Variants in SMYD5 observed in about 807,000 individuals in gnomAD.
The protein encoded by SMYD5 is SMYD family member 5.
Under a neutral mutation model 57.4 loss-of-function variants are expected in SMYD5, and 35 were observed. The ratio of observed to expected loss-of-function variants is 0.61; its 90% CI spans 0.47 to 0.81. The LOEUF (loss-of-function observed/expected upper bound fraction) is 0.81. SMYD5 is among the 30% of genes least tolerant of loss of function. The probability of loss-of-function intolerance (pLI) is 0.00; values close to 1 mark genes in which losing one functional copy is unlikely to be tolerated. For synonymous variants in SMYD5, 198 were observed against 189.7 expected (o/e 1.04, Z -0.36); for missense variants, 471 against 527.9 (o/e 0.89, Z 1.06).
At chr2:73,217,328 C>T (rs570020501) in intron 1 of SMYD5, among the ~76,000 whole-genome samples, 1 of 152,294 alleles carries the variant, frequency 6.6e-6, no homozygotes, top group East Asian at 1.9e-4. Flanking sequence ...TATAAAGGAA[C>T]AACTCTGATT....
intron 5 of SMYD5, 22 bp downstream of exon 5, chr2:73,221,256 G>C (rs570191125): frequency 1.9e-6 from 3 of 1,606,946 alleles, no homozygotes; most frequent in East Asian, 2.2e-5. Context: ...CAACCCTCTC[G>C]GGGAAGCTGA....
intron 9 of SMYD5, 39 bp downstream of exon 9, chr2:73,223,571 G>C: frequency 7.4e-7 from 1 of 1,343,672 alleles, no homozygotes; most frequent in Non-Finnish European, 1.1e-6. Context: ...CAGCCATGGC[G>C]ACCCCCCCAG....
intron 4 of SMYD5, among the ~76,000 whole-genome samples, 157 bp from the exon 5 acceptor site, chr2:73,221,008 A>G (rs1307014869): frequency 2.0e-5 from 3 of 152,202 alleles, no homozygotes; most frequent in Non-Finnish European, 2.9e-5. Context: ...CATTAAGCCA[A>G]TAGGGATGCA....
intron 3 of SMYD5, among the ~76,000 whole-genome samples, chr2:73,220,403 G>T (rs1193625476): frequency 6.6e-6 from 1 of 152,188 alleles, no homozygotes; most frequent in Non-Finnish European, 1.5e-5. Flanking sequence ...GTGGGAGCTG[G>T]AAAATGGGCT....
Position 73,220,195 on chromosome 2 carries a change from G to C in SMYD5, c.345+5G>C. ...CAGAACTGTCCCCATTGCCAAGTGA[G>C]TATTCTTGGGGAGTGTACCTGGAAG... On this transcript the variant is annotated splice_donor_5th_base_variant and intron_variant, in intron 3 of 12. Coordinates refer to ENST00000389501, the MANE Select transcript of SMYD5 (RefSeq NM_006062.3). 1 of 1,613,970 alleles carries C rather than the reference G, an allele frequency of 6.2e-7. No homozygotes were observed. The highest frequency in any genetic ancestry group is 1.3e-5 in the African/African-American group (1 of 75,064).
intron 1 of SMYD5, among the ~76,000 whole-genome samples, chr2:73,216,213 G>C (rs1686290747): frequency 6.6e-6 from 1 of 152,198 alleles, no homozygotes; most frequent in Admixed American, 6.5e-5. Flanking sequence ...CCGGATAGCA[G>C]CATGGCTTAT....
chr2:73,225,349 C>T (rs1413612021), intron 11 of SMYD5: 2 of 547,044 alleles, frequency 3.7e-6, no homozygotes, highest in Non-Finnish European at 6.5e-6. Context: ...CATACCAAGA[C>T]CTCTGATCCC....
intron 1 of SMYD5, 111 bp from the exon 2 acceptor site, chr2:73,218,750 C>A: frequency 1.4e-6 from 1 of 722,430 alleles, no homozygotes; most frequent in Non-Finnish European, 2.4e-6. Context: ...GAGGCAGAGG[C>A]CTCTCCTAAG....
intron 1 of SMYD5, chr2:73,214,588 G>T (rs1201690906): frequency 6.7e-7 from 1 of 1,502,462 alleles, no homozygotes. Flanking sequence ...TTTCCTCCCA[G>T]CGGAATTCGG....
chr2:73,224,755 T>C, intron 10 of SMYD5, 111 bp from the exon 11 acceptor site: 1 of 810,516 alleles, frequency 1.2e-6, no homozygotes, highest in East Asian at 2.5e-5. Flanking sequence ...TTCCAAAACG[T>C]GCTCAGCCTT....
chr2:73,225,906 CAGA>C lies in SMYD5; in HGVS notation c.1221_1223del (p.Glu407del). 6.2e-7 allele frequency: 1 copy of C among 1,614,074 alleles called. No homozygotes were observed. Among genetic ancestry groups the C allele is most frequent in the South Asian group, 1.1e-5 (1 of 91,072 alleles). On this transcript the variant is annotated inframe_deletion, in exon 13 of 13. Transcript: ENST00000389501. ...GAGGAGGAGGAGGAGGAAGGAGAGC[CAGA>C]AGATGCAGAGCTGGGGGATGAGATG...
intron 11 of SMYD5, 68 bp from the exon 12 acceptor site, chr2:73,225,563 C>T (rs1686483953): frequency 7.1e-7 from 1 of 1,406,588 alleles, no homozygotes; most frequent in Non-Finnish European, 1.0e-6. Flanking sequence ...GATAGGGTAG[C>T]TGTTGGGGAG....
At chr2:73,217,483 A>C (rs1368399788) in intron 1 of SMYD5, among the ~76,000 whole-genome samples, 1 of 152,190 alleles carries the variant, frequency 6.6e-6, no homozygotes, top group Non-Finnish European at 1.5e-5. Context: ...CCATAGAGGA[A>C]GGCCAAGTTT....
chr2:73,224,729 A>G (rs948689589), intron 10 of SMYD5, 137 bp from the exon 11 acceptor site: 3 of 629,576 alleles, frequency 4.8e-6, no homozygotes, highest in Non-Finnish European at 5.6e-6. Flanking sequence ...CTGGATGCAG[A>G]GTCCAGAAAC....
At chr2:73,221,804 T>C in intron 5 of SMYD5, 22 bp from the exon 6 acceptor site, 1 of 1,566,644 alleles carries the variant, frequency 6.4e-7, no homozygotes, top group East Asian at 2.2e-5. Flanking sequence ...CTGTGACCCT[T>C]AAGTATGTTT....
chr2:73,217,024 T>C (rs1686305247), intron 1 of SMYD5, among the ~76,000 whole-genome samples: 1 of 151,912 alleles, frequency 6.6e-6, no homozygotes, highest in South Asian at 2.1e-4. Context: ...CAATCTTGGC[T>C]CACTGCAACC....
intron 1 of SMYD5, chr2:73,214,960 C>A: frequency 2.5e-6 from 1 of 407,462 alleles, no homozygotes; most frequent in Non-Finnish European, 3.3e-6. Context: ...ATCACCCATA[C>A]TTCTATACTT....
rs1156440486 is a variant in SMYD5, at chr2:73,222,808, A to G, written c.696A>G (p.Ala232=). The G allele has an allele frequency of 6.2e-7, 1 of 1,613,996 alleles. No homozygotes were observed. ...RLFTEALYEE[A]VSQWFTPDGF... Reference sequence around the variant, plus strand: ...TCACAGAGGCCCTCTATGAGGAAGCAGTCAGCCAGGTGAGTGAGGAGAGGG... The same window carrying G: ...TCACAGAGGCCCTCTATGAGGAAGCGGTCAGCCAGGTGAGTGAGGAGAGGG... The change falls in exon 7 of 13, where the codon GCA becomes GCG. Residue 232 remains alanine (A), a synonymous_variant. Transcript: ENST00000389501.
rs1686256671 is a variant in SMYD5 at position 73,214,577 on chromosome 2, A to T, written c.96+215A>T. ...CCGGGCCTCCGGAGTCTCCGTGCGCATTTCCTCCCAGCGGAATTCGGCCAG... is the reference window on the plus strand; with the variant it reads ...CCGGGCCTCCGGAGTCTCCGTGCGCTTTTCCTCCCAGCGGAATTCGGCCAG... On this transcript the variant is annotated intron_variant, in intron 1 of 12. Transcript: ENST00000389501. The T allele has an allele frequency of 5.3e-6, 8 of 1,496,540 alleles. No individual in the cohort carries two copies. In the South Asian group the frequency reaches 7.9e-5, roughly 15 times the overall value. 92.7% of individuals were successfully genotyped at this position (1,496,540 alleles called of 1,614,324 possible).
Sources: gnomAD v4.1 joint callset for allele counts (sites outside exome capture counted in the v4.1 genomes callset) on GRCh38, gnomAD v4.1.1 for gene constraint, MANE v1.5 for transcripts, NCBI Gene and HGNC (gene_info 2026-07-23, HGNC 2026-07-21) for gene names.